ZFYVE9: variants seen among roughly 807,000 people sequenced by gnomAD.
ZFYVE9 encodes zinc finger FYVE-type containing 9, also known as zinc finger FYVE domain-containing protein 9.
In ZFYVE9, 43 loss-of-function variants were observed where a neutral mutation model predicts 126.7. The observed-to-expected ratio is 0.34, with a 90% confidence interval of 0.27 to 0.44. The LOEUF is 0.44. ZFYVE9 is among the 20% of genes least tolerant of loss of function. ZFYVE9 has a pLI of 1.00. For synonymous variants in ZFYVE9, 521 were observed against 597.4 expected, an observed-to-expected ratio of 0.87 and a Z score of 1.87; for missense variants, 1,476 against 1,697.0, an observed-to-expected ratio of 0.87 and a Z score of 2.29.
chr1:52,153,542 G>A (rs1189088319), intron 1 of ZFYVE9, among the ~76,000 whole-genome samples: 3 of 152,282 alleles, frequency 2.0e-5, no homozygotes, highest in Middle Eastern at 3.4e-3. Context: ...TGGTATCCTA[G>A]GGAATCATCT....
intron 1 of ZFYVE9, among the ~76,000 whole-genome samples, chr1:52,154,838 C>T (rs540260365): frequency 1.2e-4 from 18 of 152,110 alleles, no homozygotes; most frequent in African/African-American, 2.2e-4. Flanking sequence ...TAATGAACTC[C>T]GTTGTTTTTT....
At chr1:52,304,394 C>T (rs528713525) in intron 13 of ZFYVE9, among the ~76,000 whole-genome samples, 2 of 152,148 alleles carry the variant, frequency 1.3e-5, no homozygotes, top group Non-Finnish European at 2.9e-5. Context: ...TCCCAAGTAG[C>T]TGGGATTACA....
chr1:52,297,366 C>A (rs1645987532), intron 12 of ZFYVE9, among the ~76,000 whole-genome samples: 1 of 151,514 alleles, frequency 6.6e-6, no homozygotes, highest in Non-Finnish European at 1.5e-5. Flanking sequence ...GCCTTCAGAG[C>A]AGCTGGGATT....
In ZFYVE9 at chr1:52,237,772, A is replaced by C. The variant is rs757817512; in HGVS notation, c.355A>C (p.Asn119His). The C allele has an allele frequency of 1.2e-6, 2 of 1,614,026 alleles. No homozygotes were observed. Among genetic ancestry groups the C allele is most frequent in the Non-Finnish European group, 8.5e-7 (1 of 1,179,998 alleles). Residue 119 changes from asparagine (N) to histidine (H), a missense_variant, in exon 4 of 19, where the codon AAC (asparagine) becomes CAC (histidine). Asn to His is a moderately conservative substitution (Grantham distance 68). Coordinates refer to ENST00000287727, the MANE Select transcript of ZFYVE9 (RefSeq NM_004799.4). ...TGCAGAAGACCAGTTAATTAAGAGA[A>C]ACTATAGTTGGGATGATCAATGCAG... Reference protein sequence around the residue: ...AVAEDQLIKRNYSWDDQCSAV... With the variant: ...AVAEDQLIKRHYSWDDQCSAV...
At chr1:52,330,032 CATAACAT>C (rs1396326420) in intron 13 of ZFYVE9, among the ~76,000 whole-genome samples, 1 of 151,628 alleles carries the variant, frequency 6.6e-6, no homozygotes, top group Non-Finnish European at 1.5e-5. Flanking sequence ...GATAACATAA[CATAACAT>C]AACATAACAT....
intron 13 of ZFYVE9, among the ~76,000 whole-genome samples, chr1:52,312,710 T>C (rs1373799075): frequency 6.6e-6 from 1 of 152,184 alleles, no homozygotes; most frequent in Non-Finnish European, 1.5e-5. Context: ...AGAGTGACTA[T>C]TGAAGTAAGA....
At chr1:52,223,682 A>G (rs533548050) in intron 2 of ZFYVE9, among the ~76,000 whole-genome samples, 4 of 152,214 alleles carry the variant, frequency 2.6e-5, no homozygotes, top group Non-Finnish European at 4.4e-5. Context: ...CTTGTTGTAC[A>G]TTAAATGCTC....
At chr1:52,167,632 A>G (rs1644526018) in intron 1 of ZFYVE9, among the ~76,000 whole-genome samples, 1 of 152,168 alleles carries the variant, frequency 6.6e-6, no homozygotes, top group Admixed American at 6.5e-5. Flanking sequence ...CAGGACACCC[A>G]CTTCTCAGAA....
intron 1 of ZFYVE9, among the ~76,000 whole-genome samples, chr1:52,174,724 C>T (rs1294420328): frequency 6.6e-6 from 1 of 152,186 alleles, no homozygotes; most frequent in Non-Finnish European, 1.5e-5. Context: ...ATAGTTAGCT[C>T]TTCTTGCTGA....
chr1:52,281,609 A>C, intron 9 of ZFYVE9, 52 bp from the exon 10 acceptor site: 1 of 1,590,574 alleles, frequency 6.3e-7, no homozygotes, highest in South Asian at 1.1e-5. Context: ...TTTTTTTAAG[A>C]GTAAGGATTG....
At chr1:52,222,493 T>G (rs1298429905) in intron 2 of ZFYVE9, among the ~76,000 whole-genome samples, 1 of 152,200 alleles carries the variant, frequency 6.6e-6, no homozygotes, top group Non-Finnish European at 1.5e-5. Context: ...GGTGGGCGGT[T>G]TGAACTATTT....
rs559438183 is a variant in ZFYVE9, at chr1:52,226,304, A to C, written c.-36-6867A>C. Reference sequence around the variant, plus strand: ...CTTCCTTGTCTGTGTCTGCAGCTCGACTTCACAGACTGCTCTTTGTTAGAA... The same window carrying C: ...CTTCCTTGTCTGTGTCTGCAGCTCGCCTTCACAGACTGCTCTTTGTTAGAA... On this transcript the variant is annotated intron_variant, in intron 2 of 18. Transcript: ENST00000287727. Among the ~76,000 whole-genome samples, 4 of 152,194 alleles carry C rather than the reference A, an allele frequency of 2.6e-5. No homozygotes were observed. The East Asian group carries it at 5.8e-4, about 22-fold the overall frequency.
At chr1:52,203,294 G>T (rs1387280879) in intron 1 of ZFYVE9, among the ~76,000 whole-genome samples, 2 of 152,030 alleles carry the variant, frequency 1.3e-5, no homozygotes, top group African/African-American at 4.8e-5. Flanking sequence ...TGATACTCCT[G>T]CATTAGGCTC....
At chr1:52,183,969 C>CA (rs1644739866) in intron 1 of ZFYVE9, among the ~76,000 whole-genome samples, 1 of 150,756 alleles carries the variant, frequency 6.6e-6, no homozygotes, top group African/African-American at 2.4e-5. Flanking sequence ...GCTGGGATTA[C>CA]AGGCGTGAGC....
intron 10 of ZFYVE9, among the ~76,000 whole-genome samples, chr1:52,282,649 A>G (rs1301239940): frequency 2.0e-5 from 3 of 152,184 alleles, no homozygotes; most frequent in Admixed American, 1.3e-4. Flanking sequence ...AATAATTTTC[A>G]TTGTGGGATT....
At chr1:52,235,727 A>G (rs750977334) in intron 3 of ZFYVE9, among the ~76,000 whole-genome samples, 4 of 152,046 alleles carry the variant, frequency 2.6e-5, no homozygotes, top group Non-Finnish European at 4.4e-5. Context: ...TTATTCCTCT[A>G]TTTATTAATG....
chr1:52,250,697 G>T (rs1645435484), intron 4 of ZFYVE9, among the ~76,000 whole-genome samples: 1 of 151,486 alleles, frequency 6.6e-6, no homozygotes, highest in African/African-American at 2.4e-5. Flanking sequence ...CTATCTTAAA[G>T]CAAAAGTTCT....
At chr1:52,260,923 C>G (rs1645573766) in intron 4 of ZFYVE9, among the ~76,000 whole-genome samples, 2 of 152,154 alleles carry the variant, frequency 1.3e-5, no homozygotes, top group African/African-American at 4.8e-5. Context: ...CCATGCATCC[C>G]TTAACTCTTG....
intron 1 of ZFYVE9, among the ~76,000 whole-genome samples, chr1:52,164,282 C>T (rs138890646): frequency 2.2e-4 from 34 of 152,168 alleles, no homozygotes; most frequent in African/African-American, 7.5e-4. Flanking sequence ...GGCATGATCT[C>T]GGCTCACTGC....
Sources: gnomAD v4.1 joint callset for allele counts (sites outside exome capture counted in the v4.1 genomes callset) on GRCh38, gnomAD v4.1.1 for gene constraint, MANE v1.5 for transcripts, NCBI Gene and HGNC (gene_info 2026-07-23, HGNC 2026-07-21) for gene names.